PLXNA4: variants seen among roughly 807,000 people sequenced by gnomAD.
The protein encoded by PLXNA4 is plexin A4, also known as plexin-A4.
Under a neutral mutation model 191.8 loss-of-function variants are expected in PLXNA4, and 44 were observed. That is an observed-to-expected ratio of 0.23 (90% CI 0.18 to 0.29). The LOEUF is 0.29. Among genes scored for constraint, PLXNA4 ranks in the 10% least tolerant of loss-of-function variants. The pLI, the probability that PLXNA4 is intolerant of heterozygous loss-of-function variation, is 1.00. For synonymous variants in PLXNA4, 1,082 were observed against 1,009.5 expected (o/e 1.07, Z -1.36); for missense variants, 1,800 against 2,488.8 (o/e 0.72, Z 5.89).
chr7:132,161,679 C>T (rs957391538), intron 24 of PLXNA4, among the ~76,000 whole-genome samples: 11 of 151,948 alleles, frequency 7.2e-5, no homozygotes, highest in African/African-American at 1.2e-4. Context: ...AGCAGGCTCC[C>T]GGGCGGGCAC....
intron 13 of PLXNA4, among the ~76,000 whole-genome samples, chr7:132,197,066 C>G (rs2116837618): frequency 6.6e-6 from 1 of 152,272 alleles, no homozygotes; most frequent in South Asian, 2.1e-4. Flanking sequence ...TTTATGTACT[C>G]AAATCCCCTA....
At chr7:132,293,509 G>C (rs567169361) in intron 4 of PLXNA4, among the ~76,000 whole-genome samples, 1 of 152,150 alleles carries the variant, frequency 6.6e-6, no homozygotes, top group Non-Finnish European at 1.5e-5. Flanking sequence ...GGGAATTATG[G>C]GAGCTACAAT....
chr7:132,133,229 G>T (rs1173993009), intron 30 of PLXNA4, 30 bp from the exon 31 acceptor site: 1 of 1,611,134 alleles, frequency 6.2e-7, no homozygotes, highest in Non-Finnish European at 8.5e-7. Context: ...GGGAGAAGCT[G>T]AAGTCGTGCA....
Position 132,181,495 on chromosome 7 carries a change from C to A in PLXNA4, c.3378G>T (p.Gln1126His). 1 of 1,614,174 alleles carries A rather than the reference C, an allele frequency of 6.2e-7. No homozygotes were observed. The highest frequency in any genetic ancestry group is 1.1e-5 in the South Asian group (1 of 91,068). ...EEFGFILDNV[Q>H]SLLILNKTNF... is the part of the protein sequence containing the mutation. ...TGGTCTTGTTGAGGATGAGCAGGGA[C>A]TGGACGTTGTCCAGGATGAAGCCAA... The change falls in exon 18 of 32, where the codon CAG (glutamine) becomes CAT (histidine). Residue 1126 changes from glutamine to histidine, a missense_variant. By Grantham distance (24) the Gln-to-His change is conservative. This residue lies in a region of PLXNA4 where 1,397 missense variants were observed against 1,880.4 expected (regional missense o/e 0.74). Transcript: ENST00000321063.
intron 5 of PLXNA4, 119 bp from the exon 6 acceptor site, chr7:132,228,588 G>C: frequency 7.7e-7 from 1 of 1,304,416 alleles, no homozygotes; most frequent in Non-Finnish European, 1.0e-6. Flanking sequence ...AATGCGCCCA[G>C]AGCTAACCTT....
At chr7:132,610,936 C>T (rs1173197140) in intron 2 of PLXNA4, among the ~76,000 whole-genome samples, 1 of 152,188 alleles carries the variant, frequency 6.6e-6, no homozygotes, top group East Asian at 1.9e-4. Context: ...AGTTCCTTGT[C>T]TGTCCCCACA....
At chr7:132,519,618 C>T (rs775334119) in intron 1 of PLXNA4, among the ~76,000 whole-genome samples, 1 of 152,244 alleles carries the variant, frequency 6.6e-6, no homozygotes. Flanking sequence ...CTCCCTGTAG[C>T]CTCTCTAGCT....
chr7:132,259,666 T>A (rs1799566431), intron 4 of PLXNA4, among the ~76,000 whole-genome samples: 2 of 151,962 alleles, frequency 1.3e-5, no homozygotes, highest in African/African-American at 4.8e-5. Flanking sequence ...AAATGAGACC[T>A]GCACACAGAT....
chr7:132,288,434 A>G (rs905276726), intron 4 of PLXNA4, among the ~76,000 whole-genome samples: 1 of 152,212 alleles, frequency 6.6e-6, no homozygotes, highest in African/African-American at 2.4e-5. Flanking sequence ...GAACCTTCAG[A>G]ATCTGTTCCA....
At chr7:132,268,735 C>T (rs1799947969) in intron 4 of PLXNA4, among the ~76,000 whole-genome samples, 1 of 152,172 alleles carries the variant, frequency 6.6e-6, no homozygotes, top group South Asian at 2.1e-4. Flanking sequence ...TCCTGGATGA[C>T]AGATCTCAGC....
chr7:132,610,791 G>C (rs1178119097), intron 2 of PLXNA4, among the ~76,000 whole-genome samples: 1 of 152,210 alleles, frequency 6.6e-6, no homozygotes, highest in Non-Finnish European at 1.5e-5. Flanking sequence ...CTCCTGGAGA[G>C]AGCATCTTAG....
At chr7:132,147,099 A>G (rs1275780143) in intron 27 of PLXNA4, among the ~76,000 whole-genome samples, 1 of 152,216 alleles carries the variant, frequency 6.6e-6, no homozygotes, top group Non-Finnish European at 1.5e-5. Flanking sequence ...GTCTCCCTCA[A>G]TAACCGCTGA....
intron 3 of PLXNA4, among the ~76,000 whole-genome samples, chr7:132,410,696 G>A (rs1193949838): frequency 5.3e-5 from 8 of 152,194 alleles, no homozygotes; most frequent in Non-Finnish European, 1.0e-4. Context: ...AAACAGACAT[G>A]CAATCACTCC....
At chr7:132,478,533 A>G (rs1157670975) in intron 3 of PLXNA4, among the ~76,000 whole-genome samples, 1 of 152,212 alleles carries the variant, frequency 6.6e-6, no homozygotes, top group Non-Finnish European at 1.5e-5. Flanking sequence ...AGAAAGACCA[A>G]TGTAAAGAAT....
chr7:132,159,588 G>T lies in PLXNA4; in HGVS notation c.4545C>A (p.Val1515=), dbSNP rs1425071374. 6.2e-7 allele frequency: 1 copy of T among 1,614,108 alleles called. No homozygotes were observed. The highest frequency in any genetic ancestry group is 1.6e-4 in the Middle Eastern group (1 of 6,062). Residue 1515 remains valine, a synonymous_variant, in exon 25 of 32, where the codon GTC becomes GTA. Coordinates refer to ENST00000321063, the MANE Select transcript of PLXNA4 (RefSeq NM_020911.2). ...TGTCACAGTTGAGGATCTTTACTGG[G>T]ACCTCGGGGCTGTTGGCATTGTCTG... ...VSPDNANSPE[V]PVKILNCDTI...
At position 132,168,662 on chromosome 7, in the gene PLXNA4, C is replaced by A. The variant is rs77010605; in HGVS notation, c.4018-90G>T. ...GGATGGCTGTGCCCATATCCATGAC[C>A]CTCTCATCCACCAATTAAGCCACAG... On this transcript the variant is annotated intron_variant, in intron 21 of 31. Coordinates refer to ENST00000321063, the MANE Select transcript of PLXNA4 (RefSeq NM_020911.2). The A allele has an allele frequency of 2.0e-3, 2,942 of 1,458,836 alleles. 46 individuals are homozygous for A. In the African/African-American group the frequency reaches 0.036, roughly 18 times the overall value. 90.4% of individuals were successfully genotyped at this position (1,458,836 alleles called of 1,614,324 possible).
At chr7:132,546,529 A>T (rs1800313489) in intron 1 of PLXNA4, among the ~76,000 whole-genome samples, 2 of 152,344 alleles carry the variant, frequency 1.3e-5, no homozygotes, top group Non-Finnish European at 2.9e-5. Context: ...GGCACTGTTA[A>T]TTCACAACCA....
chr7:132,532,250 T>C (rs773413288), intron 1 of PLXNA4, among the ~76,000 whole-genome samples: 4 of 152,224 alleles, frequency 2.6e-5, no homozygotes, highest in Non-Finnish European at 4.4e-5. Flanking sequence ...GGGACAATAA[T>C]AACTAGAGCC....
rs533523444 is a variant in PLXNA4 at position 132,164,208 on chromosome 7, C to A, written c.4434G>T (p.Thr1478=). The change falls in exon 24 of 32, where the codon ACG becomes ACT. Residue 1478 remains threonine (T), a synonymous_variant. Transcript: ENST00000321063. The part of the protein sequence containing the change: ...QMEKGPIDAI[T]GEARYSLSED... ...CGCTCAAGGAGTAGCGGGCCTCGCC[C>A]GTGATGGCGTCAATGGGGCCCTTCT... The A allele has an allele frequency of 6.2e-7, 1 of 1,614,228 alleles. No individual in the cohort carries two copies. The highest frequency in any genetic ancestry group is 8.5e-7 in the Non-Finnish European group (1 of 1,180,048).
Sources: gnomAD v4.1 joint callset for allele counts (sites outside exome capture counted in the v4.1 genomes callset) on GRCh38, gnomAD v4.1.1 for gene constraint, gnomAD v4.1.1 regional missense constraint, MANE v1.5 for transcripts, NCBI Gene and HGNC (gene_info 2026-07-23, HGNC 2026-07-21) for gene names.